The following CHRM5 variants were observed in gnomAD, a reference collection of about 807,000 sequenced individuals.
CHRM5 encodes cholinergic receptor muscarinic 5.
A neutral mutation model predicts 39.0 loss-of-function variants in CHRM5; 18 were observed. The observed-to-expected ratio is 0.46, with a 90% CI of 0.32 to 0.68. The LOEUF (loss-of-function observed/expected upper bound fraction) is 0.68, where lower values mean the gene tolerates loss of function less well. Among genes scored for constraint, CHRM5 ranks in the 30% least tolerant of loss-of-function variants. The probability of loss-of-function intolerance (pLI) is 0.04; values close to 1 mark genes in which losing one functional copy is unlikely to be tolerated. For synonymous variants in CHRM5, 241 were observed against 246.3 expected, an observed-to-expected ratio of 0.98 and a Z score of 0.20; for missense variants, 515 against 651.1, an observed-to-expected ratio of 0.79 and a Z score of 2.28.
Position 33,968,875 on chromosome 15 carries a change from C to T in CHRM5, c.-683C>T, listed in dbSNP as rs1215231207. Reference sequence around the variant, plus strand: ...GAATCTTTAATAAGTTCTCAACACTCAGATTGTTTGTGATCAGATCAACTG... The same window carrying T: ...GAATCTTTAATAAGTTCTCAACACTTAGATTGTTTGTGATCAGATCAACTG... On this transcript the variant is annotated 5_prime_UTR_variant, in exon 1 of 3. Transcript: ENST00000383263. The T allele has an allele frequency of 5.3e-5, 8 of 152,062 alleles. No homozygotes were observed. Among genetic ancestry groups the T allele is most frequent in the Non-Finnish European group, 1.0e-4 (7 of 67,960 alleles). 9.4% of individuals were successfully genotyped at this position (152,062 alleles called of 1,614,324 possible). A position where few individuals can be genotyped will look rare whatever the true frequency, so the allele number is the denominator to read the frequency against.
At chr15:34,043,225 C>T (rs1171322977) in intron 1 of CHRM5, among the ~76,000 whole-genome samples, 6 of 149,194 alleles carry the variant, frequency 4.0e-5, no homozygotes, top group African/African-American at 1.5e-4. Flanking sequence ...CCAGCCTGGG[C>T]GACCGAGCAA....
intron 1 of CHRM5, among the ~76,000 whole-genome samples, chr15:33,984,360 G>C (rs2140538486): frequency 6.6e-6 from 1 of 151,448 alleles, no homozygotes; most frequent in South Asian, 2.1e-4. Context: ...AAGATATTCT[G>C]CAAACTCAGT....
At chr15:34,038,738 C>A in intron 1 of CHRM5, 1 of 1,140,848 alleles carries the variant, frequency 8.8e-7, no homozygotes, top group Non-Finnish European at 1.1e-6. Context: ...CCACTTGCCC[C>A]AGTTACACGC....
intron 1 of CHRM5, among the ~76,000 whole-genome samples, chr15:34,007,719 T>C (rs993623985): frequency 6.6e-6 from 1 of 152,220 alleles, no homozygotes; most frequent in African/African-American, 2.4e-5. Flanking sequence ...ACAAATTAGA[T>C]GGCTTAAAAC....
chr15:34,003,181 T>C (rs753487605), intron 1 of CHRM5: 10 of 1,613,652 alleles, frequency 6.2e-6, no homozygotes, highest in Middle Eastern at 1.6e-4. Flanking sequence ...CTCTTCTCCA[T>C]AGGTCTCTGC....
chr15:33,995,543 T>C (rs1314367141), intron 1 of CHRM5, among the ~76,000 whole-genome samples: 3 of 152,136 alleles, frequency 2.0e-5, no homozygotes, highest in East Asian at 1.9e-4. Context: ...AAGGGAAAAC[T>C]TTTGAGTCCT....
intron 1 of CHRM5, among the ~76,000 whole-genome samples, chr15:34,022,449 G>A (rs1010176715): frequency 7.2e-5 from 11 of 152,114 alleles, no homozygotes; most frequent in African/African-American, 2.7e-4. Flanking sequence ...CCTACAGAAG[G>A]GAGAAAGCTT....
intron 2 of CHRM5, among the ~76,000 whole-genome samples, chr15:34,059,291 CTTCCATAAA>C (rs531541396): frequency 5.9e-4 from 90 of 152,318 alleles, no homozygotes; most frequent in African/African-American, 2.0e-3. Flanking sequence ...TTCCCAGAAA[CTTCCATAAA>C]TTGCTTATGA....
At chr15:33,971,889 G>C (rs764470037) in intron 1 of CHRM5, among the ~76,000 whole-genome samples, 1 of 152,084 alleles carries the variant, frequency 6.6e-6, no homozygotes, top group Non-Finnish European at 1.5e-5. Flanking sequence ...TTCCTGCTGA[G>C]AGAGAACAAT....
chr15:34,009,302 T>TCAAATCCACATGAAAAAAA (rs1157685751), intron 1 of CHRM5, among the ~76,000 whole-genome samples: 1 of 152,164 alleles, frequency 6.6e-6, no homozygotes, highest in Non-Finnish European at 1.5e-5. Flanking sequence ...AAACAGCAAT[T>TCAAATCCACATGAAAAAAA]CAAATCCACA....
At position 34,050,321 on chromosome 15, in the gene CHRM5, C is replaced by A. The variant is rs1259984975; in HGVS notation, c.-76+3450C>A. 2.0e-5 allele frequency among the ~76,000 whole-genome samples: 3 copies of A among 152,190 alleles called. No homozygotes were observed. In the South Asian group the frequency reaches 6.2e-4, roughly 31 times the overall value. On this transcript the variant is annotated intron_variant, in intron 2 of 2. Coordinates refer to ENST00000383263, the MANE Select transcript of CHRM5 (RefSeq NM_012125.4). The stretch of plus-strand genomic sequence containing the variant: ...GGGAATTTGTCACCATTGGGCCTGC[C>A]TTGCAAGAGCTCCTGAAGCTTCCAT...
intron 2 of CHRM5, among the ~76,000 whole-genome samples, chr15:34,056,716 G>A (rs866734314): frequency 2.0e-5 from 3 of 152,172 alleles, no homozygotes; most frequent in African/African-American, 4.8e-5. Context: ...CCTAGAGGTA[G>A]AGCGCCCACC....
At chr15:34,028,426 T>C (rs1457097700) in intron 1 of CHRM5, among the ~76,000 whole-genome samples, 1 of 152,106 alleles carries the variant, frequency 6.6e-6, no homozygotes, top group Non-Finnish European at 1.5e-5. Flanking sequence ...TAGCCAAGCA[T>C]GGTGGCACAC....
intron 1 of CHRM5, among the ~76,000 whole-genome samples, chr15:34,009,489 C>G (rs952956258): frequency 6.6e-6 from 1 of 152,004 alleles, no homozygotes; most frequent in Admixed American, 6.6e-5. Flanking sequence ...AAATCAATAT[C>G]CAACTACAGC....
chr15:34,032,023 G>GCACACACA (rs10643932), intron 1 of CHRM5, among the ~76,000 whole-genome samples: 66,591 of 148,852 alleles, frequency 0.45, 17,901 homozygotes, highest in Non-Finnish European at 0.62. Flanking sequence ...GCGCGCACAC[G>GCACACACA]CACACACACA....
intron 1 of CHRM5, among the ~76,000 whole-genome samples, chr15:33,988,545 G>C (rs182704367): frequency 6.6e-6 from 1 of 152,266 alleles, no homozygotes; most frequent in East Asian, 1.9e-4. Context: ...GGAAATGACA[G>C]CACTGATGAC....
chr15:34,026,722 C>T (rs567207965), intron 1 of CHRM5, among the ~76,000 whole-genome samples: 1 of 152,198 alleles, frequency 6.6e-6, no homozygotes, highest in African/African-American at 2.4e-5. Flanking sequence ...CTAGTTTTTG[C>T]CTTCTTAATA....
At chr15:34,013,875 A>C (rs1332605894) in intron 1 of CHRM5, among the ~76,000 whole-genome samples, 2 of 151,980 alleles carry the variant, frequency 1.3e-5, no homozygotes, top group Admixed American at 6.6e-5. Flanking sequence ...CTAGATGTAG[A>C]CTCACGGCCT....
At chr15:34,062,607 TG>T in intron 2 of CHRM5, 35 bp from the exon 3 acceptor site, 1 of 880,348 alleles carries the variant, frequency 1.1e-6, no homozygotes, top group Non-Finnish European at 1.7e-6. Flanking sequence ...AAAATCATGC[TG>T]GTGTGCGAAG....
Sources: gnomAD v4.1 joint callset for allele counts (sites outside exome capture counted in the v4.1 genomes callset) on GRCh38, gnomAD v4.1.1 for gene constraint, MANE v1.5 for transcripts, NCBI Gene and HGNC (gene_info 2026-07-23, HGNC 2026-07-21) for gene names.